Variants in GPR176 observed in about 807,000 individuals in gnomAD.
GPR176 encodes G-protein coupled receptor 176.
GPR176 carries 26 observed loss-of-function variants against 35.4 expected under a neutral mutation model. The ratio of observed to expected loss-of-function variants is 0.74; its 90% CI spans 0.54 to 1.02. The LOEUF (loss-of-function observed/expected upper bound fraction) is 1.02. Among genes scored for constraint, GPR176 ranks in the 50% least tolerant of loss-of-function variants. The probability of loss-of-function intolerance (pLI) is 0.00; values close to 1 mark genes in which losing one functional copy is unlikely to be tolerated. For missense variants in GPR176, 597 were observed against 665.3 expected (o/e 0.90, Z 1.13); for synonymous variants, 278 against 271.3 (o/e 1.02, Z -0.24).
rs764373629 is a variant in GPR176, at chr15:39,801,922, G to C, written c.758C>G (p.Ser253Cys). ...AALRTPQNTISIPYASQREAE... is the reference protein window; with the variant it reads ...AALRTPQNTICIPYASQREAE... ...CTCCCGCTGGGAGGCATAGGGAATAGAGATGGTGTTCTGTGGGGTCCGGAG... is the reference window on the plus strand; with the variant it reads ...CTCCCGCTGGGAGGCATAGGGAATACAGATGGTGTTCTGTGGGGTCCGGAG... Residue 253 changes from serine to cysteine, a missense_variant, in exon 3 of 3, where the codon TCT becomes TGT. Ser to Cys is a moderately radical substitution (Grantham distance 112). Around this residue, in one of 3 missense-constraint regions of GPR176, gnomAD observed 220 missense variants for 297.6 expected, o/e 0.74. Transcript: ENST00000561100. 9.9e-6 allele frequency: 16 copies of C among 1,614,100 alleles called. 1 individual carries two copies. In the South Asian group the frequency reaches 1.6e-4, roughly 17 times the overall value.
intron 1 of GPR176, among the ~76,000 whole-genome samples, chr15:39,878,645 T>C (rs1239008937): frequency 6.6e-6 from 1 of 152,230 alleles, no homozygotes; most frequent in Non-Finnish European, 1.5e-5. Context: ...TGCCCATAAG[T>C]GGGACTGCTG....
intron 1 of GPR176, among the ~76,000 whole-genome samples, chr15:39,913,143 T>C (rs2033623845): frequency 6.6e-6 from 1 of 152,338 alleles, no homozygotes; most frequent in South Asian, 2.1e-4. Flanking sequence ...AGTGCTAATA[T>C]ATGCTAAAAC....
At chr15:39,885,990 T>G (rs1267766627) in intron 1 of GPR176, among the ~76,000 whole-genome samples, 1 of 152,108 alleles carries the variant, frequency 6.6e-6, no homozygotes, top group Non-Finnish European at 1.5e-5. Flanking sequence ...TCCCAACATT[T>G]TGGGAGGCCA....
intron 1 of GPR176, among the ~76,000 whole-genome samples, chr15:39,820,898 T>A (rs1422030774): frequency 6.6e-6 from 1 of 152,206 alleles, no homozygotes; most frequent in Non-Finnish European, 1.5e-5. Flanking sequence ...CTAAGCGCTA[T>A]TTTGTATAAG....
chr15:39,871,957 A>G (rs1296996065), intron 1 of GPR176, among the ~76,000 whole-genome samples: 2 of 152,228 alleles, frequency 1.3e-5, no homozygotes, highest in Non-Finnish European at 2.9e-5. Context: ...CTGAATTAGC[A>G]AATTAGATTG....
At chr15:39,878,755 G>GTTTC (rs1555408622) in intron 1 of GPR176, among the ~76,000 whole-genome samples, 1 of 152,112 alleles carries the variant, frequency 6.6e-6, no homozygotes, top group Non-Finnish European at 1.5e-5. Flanking sequence ...AGTGTACGAG[G>GTTTC]TTTCCTGCCT....
intron 1 of GPR176, among the ~76,000 whole-genome samples, chr15:39,874,539 A>G (rs2032169422): frequency 6.6e-6 from 1 of 152,186 alleles, no homozygotes; most frequent in African/African-American, 2.4e-5. Flanking sequence ...TACATGTGTT[A>G]CATGGTCTGC....
At chr15:39,891,343 T>A (rs1310687594) in intron 1 of GPR176, among the ~76,000 whole-genome samples, 1 of 152,336 alleles carries the variant, frequency 6.6e-6, no homozygotes, top group East Asian at 1.9e-4. Context: ...CAGGAGCAAC[T>A]GCTCATGATA....
At chr15:39,915,325 G>T (rs2033698192) in intron 1 of GPR176, among the ~76,000 whole-genome samples, 2 of 152,262 alleles carry the variant, frequency 1.3e-5, no homozygotes, top group South Asian at 4.1e-4. Flanking sequence ...GAGAGGGCAA[G>T]CTCTCTAGTT....
chr15:39,801,321 A>G lies in GPR176; in HGVS notation c.1359T>C (p.Phe453=). The G allele has an allele frequency of 6.2e-7, 1 of 1,614,152 alleles. No homozygotes were observed. Residue 453 remains phenylalanine (F), a synonymous_variant, in exon 3 of 3, where the codon TTT becomes TTC. Transcript: ENST00000561100. The stretch of plus-strand genomic sequence containing the variant: ...GAGGCAACTCAAAAGGCCCAAAGCC[A>G]AACTGCAGGGAATACTTATCAGGGA... ...ETFPDKYSLQ[F]GFGPFELPPQ...
intron 1 of GPR176, among the ~76,000 whole-genome samples, chr15:39,824,643 G>T (rs1900501914): frequency 6.6e-6 from 1 of 152,120 alleles, no homozygotes; most frequent in Non-Finnish European, 1.5e-5. Context: ...AACAGTATCT[G>T]GTAACCATGA....
At chr15:39,909,020 C>G (rs1174876301) in intron 1 of GPR176, among the ~76,000 whole-genome samples, 1 of 152,200 alleles carries the variant, frequency 6.6e-6, no homozygotes, top group Non-Finnish European at 1.5e-5. Flanking sequence ...ATACTGTAGT[C>G]TGGTTCACTC....
In GPR176 at chr15:39,801,475, G is replaced by T. The variant is rs1487485988; in HGVS notation, c.1205C>A (p.Ala402Asp). 1 of 1,614,094 alleles carries T rather than the reference G, an allele frequency of 6.2e-7. No individual in the cohort carries two copies. Among genetic ancestry groups the T allele is most frequent in the South Asian group, 1.1e-5 (1 of 91,076 alleles). Residue 402 changes from alanine to aspartate, a missense_variant, in exon 3 of 3, where the codon GCC becomes GAC. Physicochemically the swap from Ala to Asp is moderately radical, Grantham distance 126. This residue lies in a region of GPR176 where 251 missense variants were observed against 255.4 expected (regional missense o/e 0.98). Transcript: ENST00000561100. Reference protein sequence around the residue: ...AKYIGSADFQAKEIFSTCLEG... With the variant: ...AKYIGSADFQDKEIFSTCLEG... Reference sequence around the variant, plus strand: ...CAGGCAGGTGCTAAATATCTCCTTGGCCTGGAAGTCAGCTGAGCCAATGTA... The same window carrying T: ...CAGGCAGGTGCTAAATATCTCCTTGTCCTGGAAGTCAGCTGAGCCAATGTA...
chr15:39,845,076 C>G (rs1165235160), intron 1 of GPR176, among the ~76,000 whole-genome samples: 6 of 152,064 alleles, frequency 3.9e-5, no homozygotes, highest in Admixed American at 3.3e-4. Flanking sequence ...CTTGGCCAGG[C>G]AAAAGGCTCT....
intron 1 of GPR176, among the ~76,000 whole-genome samples, chr15:39,858,372 C>T (rs1337140890): frequency 6.6e-6 from 1 of 152,016 alleles, no homozygotes; most frequent in African/African-American, 2.4e-5. Flanking sequence ...CAAAACTGTT[C>T]TATGAAAGAT....
At chr15:39,863,442 T>A (rs1480886517) in intron 1 of GPR176, among the ~76,000 whole-genome samples, 2 of 152,034 alleles carry the variant, frequency 1.3e-5, no homozygotes, top group Admixed American at 6.5e-5. Context: ...CAATGTGTTT[T>A]AAGCTAAGTG....
intron 1 of GPR176, among the ~76,000 whole-genome samples, chr15:39,892,650 G>A (rs373884852): frequency 3.3e-5 from 5 of 152,202 alleles, no homozygotes; most frequent in African/African-American, 1.2e-4. Flanking sequence ...TGAGACATAT[G>A]GAAGAAGCCC....
At chr15:39,842,701 G>A (rs2030102866) in intron 1 of GPR176, among the ~76,000 whole-genome samples, 1 of 152,112 alleles carries the variant, frequency 6.6e-6, no homozygotes, top group South Asian at 2.1e-4. Flanking sequence ...CTGCCTCTAA[G>A]ATCAGACACT....
intron 1 of GPR176, among the ~76,000 whole-genome samples, chr15:39,817,014 A>T (rs1899951068): frequency 6.7e-6 from 1 of 149,972 alleles, no homozygotes; most frequent in African/African-American, 2.5e-5. Context: ...GGCTACAGTG[A>T]GCTATGATCA....
Sources: gnomAD v4.1 joint callset for allele counts (sites outside exome capture counted in the v4.1 genomes callset) on GRCh38, gnomAD v4.1.1 for gene constraint, gnomAD v4.1.1 regional missense constraint, MANE v1.5 for transcripts, NCBI Gene and HGNC (gene_info 2026-07-23, HGNC 2026-07-21) for gene names.